Variants in GALNT18 observed in about 807,000 individuals in gnomAD.
GALNT18 encodes the protein GalNAc-transferase 18.
In GALNT18, 44 loss-of-function variants were observed where a neutral mutation model predicts 69.5. That is an observed-to-expected ratio of 0.63 (90% CI 0.50 to 0.81). The LOEUF is 0.81. Among genes scored for constraint, GALNT18 ranks in the 40% least tolerant of loss-of-function variants. The probability of loss-of-function intolerance (pLI) is 0.00; values close to 1 mark genes in which losing one functional copy is unlikely to be tolerated. For synonymous variants in GALNT18, 364 were observed against 318.2 expected (o/e 1.14, Z -1.53); for missense variants, 715 against 810.0 (o/e 0.88, Z 1.42).
At chr11:11,323,686 T>G (rs1014482559) in intron 9 of GALNT18, among the ~76,000 whole-genome samples, 1 of 152,216 alleles carries the variant, frequency 6.6e-6, no homozygotes, top group Non-Finnish European at 1.5e-5. Context: ...GCCAAATAGC[T>G]CTATGGTCCC....
At chr11:11,296,839 G>A (rs1439230289) in intron 9 of GALNT18, among the ~76,000 whole-genome samples, 3 of 152,112 alleles carry the variant, frequency 2.0e-5, no homozygotes, top group African/African-American at 7.2e-5. Flanking sequence ...AGGGAGGTTC[G>A]GCAAAGAGGA....
chr11:11,274,537 G>A (rs1355253455), intron 10 of GALNT18, among the ~76,000 whole-genome samples: 2 of 152,200 alleles, frequency 1.3e-5, no homozygotes, highest in African/African-American at 2.4e-5. Flanking sequence ...TGTGGCCTGA[G>A]TAGGTGGGTT....
intron 1 of GALNT18, among the ~76,000 whole-genome samples, chr11:11,552,733 C>G (rs983066526): frequency 7.9e-5 from 12 of 152,190 alleles, no homozygotes; most frequent in African/African-American, 2.7e-4. Context: ...GACCCCACAC[C>G]CTTATGCAAA....
intron 9 of GALNT18, among the ~76,000 whole-genome samples, chr11:11,305,056 GACTT>G (rs1294528390): frequency 1.3e-5 from 2 of 152,218 alleles, no homozygotes; most frequent in Non-Finnish European, 2.9e-5. Context: ...TATGGGCACT[GACTT>G]TAAGGCCAGA....
chr11:11,465,439 G>T lies in GALNT18; in HGVS notation c.236-16503C>A, dbSNP rs1281271386. Among the ~76,000 whole-genome samples, 1 of 152,174 alleles carries T rather than the reference G, an allele frequency of 6.6e-6. No homozygotes were observed. Among genetic ancestry groups the T allele is most frequent in the Non-Finnish European group, 1.5e-5 (1 of 68,034 alleles). On this transcript the variant is annotated intron_variant, in intron 1 of 10. Coordinates refer to ENST00000227756, the MANE Select transcript of GALNT18 (RefSeq NM_198516.3). The surrounding 1 kb of genome is among the most constrained non-coding windows in gnomAD (Gnocchi z 5.7). ...AGCTTGAGTGCTGCTCCTCCAGGCT[G>T]CACGGACGGTGTCACGCTGCCCTCT... is the stretch of plus-strand genomic sequence containing the variant.
At position 11,302,176 on chromosome 11, in the gene GALNT18, C is replaced by CAGTA. The variant is rs562060598; in HGVS notation, c.1513-8987_1513-8984dup. On this transcript the variant is annotated intron_variant, in intron 9 of 10. Coordinates refer to ENST00000227756, the MANE Select transcript of GALNT18 (RefSeq NM_198516.3). ...GTCCCCAGGGAGCTGTGATTCAGAT[C>CAGTA]AGTAAGTGCCCCCACTTGTTAGCAC... Among the ~76,000 whole-genome samples the CAGTA allele has an allele frequency of 3.6e-4, 55 of 152,290 alleles. No individual in the cohort carries two copies. In the South Asian group the frequency reaches 0.011, roughly 32 times the overall value.
chr11:11,302,774 C>T (rs1172361534), intron 9 of GALNT18, among the ~76,000 whole-genome samples: 1 of 152,194 alleles, frequency 6.6e-6, no homozygotes, highest in Non-Finnish European at 1.5e-5. Flanking sequence ...ACATCGCACT[C>T]GGATATCTCA....
In GALNT18 at chr11:11,337,114, A is replaced by G. The variant is rs1850127331; in HGVS notation, c.1278+3705T>C. 6.6e-6 allele frequency among the ~76,000 whole-genome samples: 1 copy of G among 152,160 alleles called. No individual in the cohort carries two copies. The highest frequency in any genetic ancestry group is 2.4e-5 in the African/African-American group (1 of 41,426). Reference sequence around the variant, plus strand: ...GGGCTTTTTGTAGATTCTGGCACCTACCGCTCAAAATCCTCTCTGAGGATG... The same window carrying G: ...GGGCTTTTTGTAGATTCTGGCACCTGCCGCTCAAAATCCTCTCTGAGGATG... On this transcript the variant is annotated intron_variant, in intron 7 of 10. Coordinates refer to ENST00000227756, the MANE Select transcript of GALNT18 (RefSeq NM_198516.3). This position sits in a 1 kb window ranked among gnomAD's most constrained non-coding sequence, Gnocchi z 4.9.
At position 11,543,714 on chromosome 11, in the gene GALNT18, C is replaced by G. The variant is rs1857978647; in HGVS notation, c.235+77645G>C. Among the ~76,000 whole-genome samples the G allele has an allele frequency of 6.6e-6, 1 of 152,224 alleles. No individual in the cohort carries two copies. The highest frequency in any genetic ancestry group is 2.4e-5 in the African/African-American group (1 of 41,464). ...ATCCCTAGGACCTAGGCTTTTACAA[C>G]TGCAAAGTGAGGGGCCAGCTGAGAT... On this transcript the variant is annotated intron_variant, in intron 1 of 10. Transcript: ENST00000227756. The surrounding 1 kb of genome is among the most constrained non-coding windows in gnomAD (Gnocchi z 5.1).
chr11:11,437,620 G>A (rs1164859818), intron 2 of GALNT18, among the ~76,000 whole-genome samples: 1 of 152,114 alleles, frequency 6.6e-6, no homozygotes, highest in Non-Finnish European at 1.5e-5. Context: ...GATAAGACCT[G>A]GGGCGGTGGC....
intron 9 of GALNT18, among the ~76,000 whole-genome samples, chr11:11,294,356 C>A (rs11602891): frequency 6.6e-6 from 1 of 152,070 alleles, no homozygotes; most frequent in African/African-American, 2.4e-5. Context: ...TGGTATGCAC[C>A]AAAATCCCAG....
intron 6 of GALNT18, among the ~76,000 whole-genome samples, chr11:11,342,720 T>G (rs1401303958): frequency 6.6e-6 from 1 of 152,108 alleles, no homozygotes; most frequent in African/African-American, 2.4e-5. Context: ...CAGCAAAACA[T>G]GGTGGGTGGG....
intron 2 of GALNT18, among the ~76,000 whole-genome samples, chr11:11,437,355 G>A (rs1440123017): frequency 6.6e-6 from 1 of 152,200 alleles, no homozygotes; most frequent in African/African-American, 2.4e-5. Flanking sequence ...ATTTCTGAGA[G>A]GGGAGGGATA....
At chr11:11,530,225 C>A (rs11021904) in intron 1 of GALNT18, among the ~76,000 whole-genome samples, 11 of 152,006 alleles carry the variant, frequency 7.2e-5, no homozygotes, top group African/African-American at 2.7e-4. Context: ...GGGAAGGGGC[C>A]CCTGGATTCC....
At chr11:11,355,316 T>C (rs1850507729) in intron 6 of GALNT18, among the ~76,000 whole-genome samples, 1 of 152,186 alleles carries the variant, frequency 6.6e-6, no homozygotes, top group Non-Finnish European at 1.5e-5. Flanking sequence ...CAGCACTCCC[T>C]ATGGACTGAA....
chr11:11,445,824 CTG>C (rs1442357761), intron 2 of GALNT18, among the ~76,000 whole-genome samples: 2 of 152,182 alleles, frequency 1.3e-5, no homozygotes, highest in Non-Finnish European at 2.9e-5. Context: ...GCTCCACAGA[CTG>C]TAAAGTTCTG....
chr11:11,275,189 C>A (rs1192751274), intron 10 of GALNT18, among the ~76,000 whole-genome samples: 4 of 152,250 alleles, frequency 2.6e-5, no homozygotes, highest in African/African-American at 9.6e-5. Context: ...TATTTCTCCA[C>A]ATCCTCTCTA....
rs931966570 is a variant in GALNT18 at position 11,541,955 on chromosome 11, C to T, written c.235+79404G>A. 5.3e-5 allele frequency among the ~76,000 whole-genome samples: 8 copies of T among 152,076 alleles called. No homozygotes were observed. The highest frequency in any genetic ancestry group is 2.1e-4 in the South Asian group (1 of 4,816). On this transcript the variant is annotated intron_variant, in intron 1 of 10. Transcript: ENST00000227756. The surrounding 1 kb of genome is among the most constrained non-coding windows in gnomAD (Gnocchi z 4.8). ...ATCACAGGCAAGGCAACTATAGACA[C>T]GAGCCAAACCCAGGAGGAGCTTCAC... is the stretch of plus-strand genomic sequence containing the variant.
chr11:11,569,318 T>A (rs7121658), intron 1 of GALNT18, among the ~76,000 whole-genome samples: 2 of 151,534 alleles, frequency 1.3e-5, no homozygotes. Flanking sequence ...TTTCTACTTG[T>A]GGTTTATCTT....
Sources: allele counts gnomAD v4.1 joint callset (sites outside exome capture counted in the v4.1 genomes callset), GRCh38; gene constraint gnomAD v4.1.1; non-coding constraint Gnocchi (gnomAD v3.1); transcripts MANE v1.5; gene names NCBI Gene and HGNC (gene_info 2026-07-23, HGNC 2026-07-21).